The following LRRC2 variants were observed in gnomAD, a reference collection of about 807,000 sequenced individuals.
LRRC2 encodes leucine rich repeat containing 2.
LRRC2 carries 27 observed loss-of-function variants against 40.2 expected under a neutral mutation model. That is an observed-to-expected ratio of 0.67 (90% CI 0.49 to 0.93). LRRC2 has a LOEUF of 0.93. LRRC2 is among the 40% of genes least tolerant of loss of function. The probability of loss-of-function intolerance (pLI) is 0.00; values close to 1 mark genes in which losing one functional copy is unlikely to be tolerated. For missense variants in LRRC2, 402 were observed against 439.6 expected (o/e 0.91, Z 0.76); for synonymous variants, 147 against 158.9 (o/e 0.92, Z 0.56).
intron 3 of LRRC2, 23 bp from the exon 4 acceptor site, chr3:46,539,224 A>C: frequency 6.2e-7 from 1 of 1,611,098 alleles, no homozygotes; most frequent in South Asian, 1.1e-5. Flanking sequence ...GAATGACATC[A>C]ATCAGAACTA....
intron 1 of LRRC2, among the ~76,000 whole-genome samples, chr3:46,559,956 A>G (rs750821962): frequency 4.6e-5 from 7 of 152,182 alleles, no homozygotes; most frequent in Non-Finnish European, 7.4e-5. Flanking sequence ...TGCAACATGT[A>G]TAATGAAAAC....
intron 1 of LRRC2, among the ~76,000 whole-genome samples, chr3:46,565,145 T>C (rs1281870967): frequency 6.6e-6 from 1 of 152,224 alleles, no homozygotes; most frequent in Non-Finnish European, 1.5e-5. Context: ...AATTTTATTG[T>C]AATTTGTTTA....
chr3:46,554,009 G>A (rs1162548662), intron 1 of LRRC2, among the ~76,000 whole-genome samples: 1 of 151,272 alleles, frequency 6.6e-6, no homozygotes, highest in Non-Finnish European at 1.5e-5. Flanking sequence ...ATTGGTTGTT[G>A]TTGTTGTTTT....
chr3:46,556,575 TC>T (rs1704801584), intron 1 of LRRC2, among the ~76,000 whole-genome samples: 3 of 134,548 alleles, frequency 2.2e-5, no homozygotes, highest in Non-Finnish European at 3.1e-5. Context: ...AGTCATTATT[TC>T]TTTTTTTTTT....
chr3:46,536,048 C>G (rs150216515), intron 4 of LRRC2, among the ~76,000 whole-genome samples: 26 of 152,110 alleles, frequency 1.7e-4, no homozygotes, highest in African/African-American at 6.3e-4. Context: ...ATGGTGTGAT[C>G]GGGGGAAACA....
intron 7 of LRRC2, among the ~76,000 whole-genome samples, chr3:46,525,083 T>C (rs1314929954): frequency 3.7e-5 from 5 of 134,086 alleles, no homozygotes; most frequent in Non-Finnish European, 6.4e-5. Flanking sequence ...ATTCTTTTTT[T>C]TTCTTTTTTT....
chr3:46,541,902 T>C (rs1300920953), intron 3 of LRRC2, among the ~76,000 whole-genome samples: 3 of 152,054 alleles, frequency 2.0e-5, no homozygotes, highest in Non-Finnish European at 2.9e-5. Flanking sequence ...AATCAGATGA[T>C]GAGTGATGAA....
intron 2 of LRRC2, among the ~76,000 whole-genome samples, chr3:46,546,405 G>A (rs1308167441): frequency 6.6e-6 from 1 of 152,222 alleles, no homozygotes; most frequent in African/African-American, 2.4e-5. Context: ...CAGCTTCTAG[G>A]ACTGGGCATG....
At chr3:46,551,661 G>C in intron 1 of LRRC2, 51 bp from the exon 2 acceptor site, 1 of 1,263,792 alleles carries the variant, frequency 7.9e-7, no homozygotes. Context: ...ACAGAAAACA[G>C]TTTTAACATA....
chr3:46,551,582 T>G lies in LRRC2; in HGVS notation c.10A>C (p.Lys4Gln). MGH[K>Q]VVVFDISVIR... ...ACAGAAATGTCGAAGACAACCACTTTATGTCCCATTTTGGGAGCATGAAAT... is the reference window on the plus strand; with the variant it reads ...ACAGAAATGTCGAAGACAACCACTTGATGTCCCATTTTGGGAGCATGAAAT... The change falls in exon 2 of 9, where the codon AAA becomes CAA. Residue 4 changes from lysine to glutamine, a missense_variant. Lys to Gln is a moderately conservative substitution (Grantham distance 53). Transcript: ENST00000395905. The G allele has an allele frequency of 6.2e-7, 1 of 1,612,230 alleles. No individual in the cohort carries two copies. The highest frequency in any genetic ancestry group is 8.5e-7 in the Non-Finnish European group (1 of 1,179,496).
chr3:46,524,846 T>C (rs1410477791), intron 7 of LRRC2, among the ~76,000 whole-genome samples: 1 of 152,168 alleles, frequency 6.6e-6, no homozygotes, highest in Non-Finnish European at 1.5e-5. Flanking sequence ...TATAGCGATG[T>C]AGTACTCCAA....
At chr3:46,556,660 C>T (rs548026418) in intron 1 of LRRC2, among the ~76,000 whole-genome samples, 1 of 143,896 alleles carries the variant, frequency 6.9e-6, no homozygotes, top group African/African-American at 2.6e-5. Flanking sequence ...ATAACTGCAA[C>T]CTCAGCCTCC....
At chr3:46,546,394 C>G (rs1170821089) in intron 2 of LRRC2, among the ~76,000 whole-genome samples, 1 of 152,190 alleles carries the variant, frequency 6.6e-6, no homozygotes, top group African/African-American at 2.4e-5. Context: ...TGGGACAAGA[C>G]CAGCTTCTAG....
intron 3 of LRRC2, among the ~76,000 whole-genome samples, chr3:46,539,959 G>A (rs904862381): frequency 3.3e-5 from 5 of 152,054 alleles, no homozygotes; most frequent in Admixed American, 1.3e-4. Context: ...GGGCAAAGAC[G>A]AGACACACAG....
chr3:46,540,112 T>A (rs965141519), intron 3 of LRRC2, among the ~76,000 whole-genome samples: 5 of 152,218 alleles, frequency 3.3e-5, no homozygotes, highest in African/African-American at 1.2e-4. Context: ...TGATCCTTCT[T>A]TTTTGTACTT....
At chr3:46,539,905 C>T (rs1322471720) in intron 3 of LRRC2, among the ~76,000 whole-genome samples, 1 of 152,138 alleles carries the variant, frequency 6.6e-6, no homozygotes, top group Non-Finnish European at 1.5e-5. Flanking sequence ...CCGAGAGTTA[C>T]CGAGCCCCCA....
At chr3:46,565,343 C>T (rs188823826) in intron 1 of LRRC2, among the ~76,000 whole-genome samples, 39 of 152,262 alleles carry the variant, frequency 2.6e-4, no homozygotes, top group Admixed American at 2.4e-3. Context: ...ACTGAGCTCA[C>T]AGGTTGGCGA....
intron 7 of LRRC2, among the ~76,000 whole-genome samples, chr3:46,523,529 T>C (rs1704001069): frequency 6.6e-6 from 1 of 152,254 alleles, no homozygotes; most frequent in African/African-American, 2.4e-5. Context: ...CATTTTATTA[T>C]GAAAATTCTT....
chr3:46,539,168 G>A lies in LRRC2; in HGVS notation c.367C>T (p.Leu123=), dbSNP rs1704332172. 1.2e-6 allele frequency: 2 copies of A among 1,613,890 alleles called. No individual in the cohort carries two copies. Among genetic ancestry groups the A allele is most frequent in the Non-Finnish European group, 1.7e-6 (2 of 1,179,900 alleles). Residue 123 remains leucine (L), a synonymous_variant, in exon 4 of 9, where the codon CTG becomes TTG. Transcript: ENST00000395905. ...LPDSLKEQTH[L]REWYISNTLI... Reference sequence around the variant, plus strand: ...GTATTGCTTATGTACCATTCTCTCAGGTGTGTCTGCTCCTTCAATGAATCT... The same window carrying A: ...GTATTGCTTATGTACCATTCTCTCAAGTGTGTCTGCTCCTTCAATGAATCT...
Sources: allele counts gnomAD v4.1 joint callset (sites outside exome capture counted in the v4.1 genomes callset), GRCh38; gene constraint gnomAD v4.1.1; transcripts MANE v1.5; gene names NCBI Gene and HGNC (gene_info 2026-07-23, HGNC 2026-07-21).